Variants in YJU2B observed in about 807,000 individuals in gnomAD.
The protein encoded by YJU2B is YJU2 splicing factor homolog B, also known as probable splicing factor YJU2B.
A neutral mutation model predicts 38.0 loss-of-function variants in YJU2B; 18 were observed. The ratio of observed to expected loss-of-function variants is 0.47; its 90% confidence interval spans 0.33 to 0.70. The LOEUF is 0.70. Ranked by LOEUF, YJU2B falls within the 30% of genes least tolerant of loss-of-function variation. The pLI, the probability that YJU2B is intolerant of heterozygous loss-of-function variation, is 0.02. For missense variants in YJU2B, 538 were observed against 556.3 expected, an observed-to-expected ratio of 0.97 and a Z score of 0.33; for synonymous variants, 246 against 225.4, an observed-to-expected ratio of 1.09 and a Z score of -0.82.
At chr19:13,744,489 G>C (rs1973177939), upstream of YJU2B, among the ~76,000 whole-genome samples, 2 of 152,118 alleles carry the variant, frequency 1.3e-5, no homozygotes, top group Admixed American at 6.6e-5. Flanking sequence ...CTTAGCTTTT[G>C]TTTTGGATCA....
chr19:13,756,236 C>G lies in YJU2B; in HGVS notation c.97C>G (p.Arg33Gly). 6.2e-7 allele frequency: 1 copy of G among 1,614,102 alleles called. No homozygotes were observed. The highest frequency in any genetic ancestry group is 8.5e-7 in the Non-Finnish European group (1 of 1,180,008). ...CCGATACCACAACAGCCACCCGCTT[C>G]GGGAGCGGGCTCGGAAGCTGTCACA... Reference protein sequence around the residue: ...LNRYHNSHPLRERARKLSQGI... With the variant: ...LNRYHNSHPLGERARKLSQGI... Residue 33 changes from arginine to glycine, a missense_variant, in exon 4 of 10, where the codon CGG becomes GGG. Arg to Gly is a moderately radical substitution (Grantham distance 125). Transcript: ENST00000221554.
At chr19:13,733,506 G>A (rs931047591) in intron 2 of YJU2B, among the ~76,000 whole-genome samples, 1 of 152,044 alleles carries the variant, frequency 6.6e-6, no homozygotes, top group African/African-American at 2.4e-5. Flanking sequence ...TAGATCACCT[G>A]AGGTCAGGAG....
chr19:13,751,608 A>C lies in YJU2B; in HGVS notation c.-201A>C. The C allele has an allele frequency of 1.7e-6, 1 of 595,970 alleles. No individual in the cohort carries two copies. Among genetic ancestry groups the C allele is most frequent in the South Asian group, 2.0e-5 (1 of 49,082 alleles). 36.9% of individuals were successfully genotyped at this position (595,970 alleles called of 1,614,324 possible). ...GACGGGACTCTCTCTTTCTAAACAGACACGCCGCTTTTTGGATGCCTCCTA... is the reference window on the plus strand; with the variant it reads ...GACGGGACTCTCTCTTTCTAAACAGCCACGCCGCTTTTTGGATGCCTCCTA... On this transcript the variant is annotated splice_region_variant and 5_prime_UTR_variant, in exon 2 of 10. Transcript: ENST00000221554.
At chr19:13,749,372 G>A (rs916028018) in intron 1 of YJU2B, among the ~76,000 whole-genome samples, 6 of 152,130 alleles carry the variant, frequency 3.9e-5, no homozygotes, top group Non-Finnish European at 7.3e-5. Context: ...GTGACATGAC[G>A]ATTATGTGAA....
At chr19:13,742,120 G>A (rs989823555) in intron 2 of YJU2B, among the ~76,000 whole-genome samples, 7 of 151,724 alleles carry the variant, frequency 4.6e-5, no homozygotes, top group South Asian at 4.2e-4. Flanking sequence ...CCTTTCTGTC[G>A]CCTCCCCAAG....
rs1428463881 is a variant in YJU2B, at chr19:13,751,598, T to C, written c.-201-10T>C. ...CTGTAGAGTGGACGGGACTCTCTCT[T>C]TCTAAACAGACACGCCGCTTTTTGG... On this transcript the variant is annotated splice_polypyrimidine_tract_variant and intron_variant, in intron 1 of 9. Coordinates refer to ENST00000221554, the MANE Select transcript of YJU2B (RefSeq NM_030818.4). The C allele has an allele frequency of 6.8e-6, 4 of 590,442 alleles. 1 individual carries two copies. Among genetic ancestry groups the C allele is most frequent in the African/African-American group, 3.7e-5 (2 of 53,672 alleles). 36.6% of individuals were successfully genotyped at this position (590,442 alleles called of 1,614,324 possible). A position where few individuals can be genotyped will look rare whatever the true frequency, so the allele number is the denominator to read the frequency against.
intron 3 of YJU2B, among the ~76,000 whole-genome samples, chr19:13,755,807 A>C (rs1210862464): frequency 6.6e-6 from 1 of 151,950 alleles, no homozygotes; most frequent in East Asian, 2.0e-4. Context: ...AATACAAAAA[A>C]AATAGCCGGG....
chr19:13,742,923 C>A (rs958884082), upstream of YJU2B, among the ~76,000 whole-genome samples: 3 of 152,152 alleles, frequency 2.0e-5, no homozygotes, highest in Non-Finnish European at 4.4e-5. Context: ...CTACAGCACA[C>A]CCCCCACCTG....
intron 8 of YJU2B, among the ~76,000 whole-genome samples, chr19:13,760,367 A>G (rs1415131574): frequency 3.3e-5 from 5 of 152,204 alleles, no homozygotes. Context: ...CAGAAGGGAC[A>G]AACAAGTTCC....
intron 2 of YJU2B, among the ~76,000 whole-genome samples, 172 bp downstream of exon 2, chr19:13,751,983 A>T (rs73922725): frequency 0.046 from 6,949 of 152,128 alleles, 503 homozygotes; most frequent in African/African-American, 0.16. Flanking sequence ...ACCCATGGGC[A>T]CTTTTTAAAT....
At position 13,762,357 on chromosome 19, in the gene YJU2B, C is replaced by G. The variant is rs767074855; in HGVS notation, c.632C>G (p.Ala211Gly). Residue 211 changes from alanine to glycine, a missense_variant, in exon 9 of 10, where the codon GCG becomes GGG. This residue lies in a region of YJU2B where 488 missense variants were observed against 469.5 expected (regional missense o/e 1.04). Coordinates refer to ENST00000221554, the MANE Select transcript of YJU2B (RefSeq NM_030818.4). The part of the protein sequence containing the change: ...EERDQALQAK[A>G]SLTIPLVPET... ...AGAGACCAGGCCTTGCAGGCCAAGG[C>G]GAGCCTGACCATCCCGCTGGTGCCC... 2.5e-6 allele frequency: 4 copies of G among 1,613,916 alleles called. No homozygotes were observed. The East Asian group carries it at 6.7e-5, about 27-fold the overall frequency.
chr19:13,740,492 A>G (rs1973063998), intron 2 of YJU2B, among the ~76,000 whole-genome samples: 1 of 151,964 alleles, frequency 6.6e-6, no homozygotes, highest in African/African-American at 2.4e-5. Context: ...GGTTACAGGC[A>G]TGAACCACCA....
chr19:13,743,202 A>G (rs1270892410), upstream of YJU2B, among the ~76,000 whole-genome samples: 1 of 152,062 alleles, frequency 6.6e-6, no homozygotes, highest in Non-Finnish European at 1.5e-5. Flanking sequence ...GCAAAATCAT[A>G]AATCAATGCA....
chr19:13,733,956 C>G (rs182451490), intron 2 of YJU2B, among the ~76,000 whole-genome samples: 139 of 152,242 alleles, frequency 9.1e-4, no homozygotes, highest in Non-Finnish European at 1.9e-3. Flanking sequence ...GAGGCAGGAT[C>G]TCACTCTGTC....
intron 2 of YJU2B, among the ~76,000 whole-genome samples, chr19:13,739,572 C>G (rs1303533343): frequency 6.6e-6 from 1 of 152,072 alleles, no homozygotes; most frequent in Non-Finnish European, 1.5e-5. Flanking sequence ...ATACTGGCAC[C>G]ACTGGCCTTA....
rs747810462 is a variant in YJU2B at position 13,762,986 on chromosome 19, C to T, written c.1109C>T (p.Ala370Val). Reference sequence around the variant, plus strand: ...TCGCCAGCAGGCTCCTCCCAGGAGGCAGCTGACACCCCCGACACGCGGCAC... The same window carrying T: ...TCGCCAGCAGGCTCCTCCCAGGAGGTAGCTGACACCCCCGACACGCGGCAC... Reference protein sequence around the residue: ...PLSPAGSSQEAADTPDTRHPC... With the variant: ...PLSPAGSSQEVADTPDTRHPC... The change falls in exon 10 of 10, where the codon GCA becomes GTA. Residue 370 changes from alanine to valine, a missense_variant. Transcript: ENST00000221554. The T allele has an allele frequency of 5.0e-6, 8 of 1,609,442 alleles. No individual in the cohort carries two copies. Among genetic ancestry groups the T allele is most frequent in the Non-Finnish European group, 6.8e-6 (8 of 1,178,122 alleles).
At chr19:13,749,206 G>A (rs1341210239) in intron 1 of YJU2B, among the ~76,000 whole-genome samples, 2 of 152,116 alleles carry the variant, frequency 1.3e-5, no homozygotes, top group African/African-American at 4.8e-5. Context: ...GTTTCACCAT[G>A]TTGGCCAGGC....
At position 13,762,965 on chromosome 19, in the gene YJU2B, C is replaced by G. The variant is rs1191187968; in HGVS notation, c.1088C>G (p.Pro363Arg). The G allele has an allele frequency of 1.9e-6, 3 of 1,611,804 alleles. No individual in the cohort carries two copies. Among genetic ancestry groups the G allele is most frequent in the Non-Finnish European group, 2.5e-6 (3 of 1,179,556 alleles). Reference sequence around the variant, plus strand: ...AGCCGTCAGGACAAGCCCCTGTCGCCAGCAGGCTCCTCCCAGGAGGCAGCT... The same window carrying G: ...AGCCGTCAGGACAAGCCCCTGTCGCGAGCAGGCTCCTCCCAGGAGGCAGCT... ...EGSRQDKPLS[P>R]AGSSQEAADT... is the part of the protein sequence containing the mutation. The change falls in exon 10 of 10, where the codon CCA becomes CGA. Residue 363 changes from proline (P) to arginine (R), a missense_variant. Pro to Arg is a moderately radical substitution (Grantham distance 103). Coordinates refer to ENST00000221554, the MANE Select transcript of YJU2B (RefSeq NM_030818.4).
chr19:13,752,621 G>C (rs1236099627), intron 2 of YJU2B, among the ~76,000 whole-genome samples: 2 of 152,152 alleles, frequency 1.3e-5, no homozygotes, highest in African/African-American at 4.8e-5. Context: ...GCGGGAGCCT[G>C]TAGTCCCAGC....
Sources: gnomAD v4.1 joint callset for allele counts (sites outside exome capture counted in the v4.1 genomes callset) on GRCh38, gnomAD v4.1.1 for gene constraint, gnomAD v4.1.1 regional missense constraint, MANE v1.5 for transcripts, NCBI Gene and HGNC (gene_info 2026-07-23, HGNC 2026-07-21) for gene names.